SYNE1: variants seen among roughly 807,000 people sequenced by gnomAD.
SYNE1 encodes the protein nesprin-1.
A neutral mutation model predicts 1,111.0 loss-of-function variants in SYNE1; 616 were observed. The ratio of observed to expected loss-of-function variants is 0.55; its 90% CI spans 0.52 to 0.59. The LOEUF (loss-of-function observed/expected upper bound fraction) is 0.59, where lower values mean the gene tolerates loss of function less well. Ranked by LOEUF, SYNE1 falls within the 20% of genes least tolerant of loss-of-function variation. The probability of loss-of-function intolerance (pLI) is 0.00; values close to 1 mark genes in which losing one functional copy is unlikely to be tolerated. For missense variants in SYNE1, 10,006 were observed against 10,417.0 expected (o/e 0.96, Z 1.72); for synonymous variants, 3,855 against 3,825.8 (o/e 1.01, Z -0.28).
At chr6:152,134,927 A>G (rs2056701431) in intron 142 of SYNE1, 177 bp downstream of exon 142, 1 of 709,272 alleles carries the variant, frequency 1.4e-6, no homozygotes, top group Non-Finnish European at 2.3e-6. Flanking sequence ...TCTTCTATGC[A>G]CATGTTTGCT....
At position 152,325,160 on chromosome 6, in the gene SYNE1, C is replaced by T. The variant is rs751121212; in HGVS notation, c.15581G>A (p.Arg5194His). ...SMTTVWQRWT[R>H]LRAVAQDQEK... ...CTGGTCCTGGGCCACAGCTCGAAGGCGTGTCCAGCGCTGCCAGACGGTGGT... is the reference window on the plus strand; with the variant it reads ...CTGGTCCTGGGCCACAGCTCGAAGGTGTGTCCAGCGCTGCCAGACGGTGGT... Residue 5194 changes from arginine to histidine, a missense_variant, in exon 81 of 146, where the codon CGC (arginine) becomes CAC (histidine). Arg to His is a conservative substitution (Grantham distance 29, BLOSUM62 0). Transcript: ENST00000367255. The T allele has an allele frequency of 3.7e-6, 6 of 1,614,194 alleles. No homozygotes were observed. Among genetic ancestry groups the T allele is most frequent in the Non-Finnish European group, 4.2e-6 (5 of 1,180,036 alleles).
intron 3 of SYNE1, among the ~76,000 whole-genome samples, chr6:152,588,145 T>G (rs17082857): frequency 0.022 from 3,320 of 152,276 alleles, 130 homozygotes; most frequent in African/African-American, 0.076. Flanking sequence ...TTCTTTAACT[T>G]CTCACCCCCA....
At chr6:152,227,970 A>T (rs528338053) in intron 115 of SYNE1, among the ~76,000 whole-genome samples, 1 of 152,318 alleles carries the variant, frequency 6.6e-6, no homozygotes, top group South Asian at 2.1e-4. Context: ...AACATTCTTA[A>T]CTTCGATTAA....
chr6:152,230,820 A>G, intron 114 of SYNE1, 118 bp from the exon 115 acceptor site: 1 of 1,181,474 alleles, frequency 8.5e-7, no homozygotes, highest in Non-Finnish European at 1.2e-6. Flanking sequence ...AATACAGTTC[A>G]TCGTATATAT....
chr6:152,369,592 T>G lies in SYNE1; in HGVS notation c.9530A>C (p.Asp3177Ala), dbSNP rs149005052. 1 of 1,614,178 alleles carries G rather than the reference T, an allele frequency of 6.2e-7. No individual in the cohort carries two copies. Residue 3177 changes from aspartate to alanine, a missense_variant, in exon 60 of 146, where the codon GAC (aspartate) becomes GCC (alanine). Asp to Ala is a moderately radical substitution (Grantham distance 126). This residue lies in a region of SYNE1 where 4,955 missense variants were observed against 5,017.2 expected (regional missense o/e 0.99). Transcript: ENST00000367255. ...GATAGGCTCAGCACTTACTTCAAAG[T>G]CCTTCATTTGGATCTTTAGATTCTG... Reference protein sequence around the residue: ...ALENLKIQMKDFEVSAEPIQD... With the variant: ...ALENLKIQMKAFEVSAEPIQD...
intron 76 of SYNE1, chr6:152,335,488 A>T (rs1013909633): frequency 4.6e-5 from 7 of 152,100 alleles, no homozygotes; most frequent in African/African-American, 1.7e-4. Context: ...TGGTTCACAA[A>T]TTTTTTTAAA....
At chr6:152,155,121 T>C (rs1299438414) in intron 132 of SYNE1, 79 bp from the exon 133 acceptor site, 6 of 1,575,980 alleles carry the variant, frequency 3.8e-6, no homozygotes, top group African/African-American at 1.3e-5. Flanking sequence ...TGCCTGCGAC[T>C]GGATTAAGGG....
chr6:152,252,653 G>A (rs1307530695), intron 104 of SYNE1, among the ~76,000 whole-genome samples: 1 of 152,110 alleles, frequency 6.6e-6, no homozygotes, highest in Non-Finnish European at 1.5e-5. Context: ...CAAGGTGTTT[G>A]GTGCAAAGTT....
intron 14 of SYNE1, chr6:152,481,517 G>A (rs532087482): frequency 1.0e-4 from 47 of 451,374 alleles, no homozygotes; most frequent in African/African-American, 8.2e-4. Context: ...ATATACTCAT[G>A]TAAGAAACAT....
At chr6:152,496,283 T>C (rs550180693) in intron 11 of SYNE1, among the ~76,000 whole-genome samples, 91 of 152,274 alleles carry the variant, frequency 6.0e-4, no homozygotes, top group African/African-American at 2.1e-3. Flanking sequence ...TATTTTTAAA[T>C]GAAGAGTGTT....
chr6:152,350,451 T>C, intron 71 of SYNE1, 116 bp from the exon 72 acceptor site: 4 of 1,512,586 alleles, frequency 2.6e-6, no homozygotes, highest in Non-Finnish European at 3.7e-6. Context: ...CTTAGAAAAC[T>C]ACCAGGAATG....
chr6:152,484,845 A>G lies in SYNE1; in HGVS notation c.1175T>C (p.Val392Ala). The G allele has an allele frequency of 6.2e-7, 1 of 1,613,932 alleles. No individual in the cohort carries two copies. The highest frequency in any genetic ancestry group is 8.5e-7 in the Non-Finnish European group (1 of 1,179,946). The change falls in exon 13 of 146, where the codon GTG (valine) becomes GCG (alanine). Residue 392 changes from valine (V) to alanine (A), a missense_variant. Coordinates refer to ENST00000367255, the MANE Select transcript of SYNE1 (RefSeq NM_182961.4). Reference sequence around the variant, plus strand: ...TGTGGGAGAACTTACCCTGGAGGTCACTCTATCCCAAGATTGTTTTACCAA... The same window carrying G: ...TGTGGGAGAACTTACCCTGGAGGTCGCTCTATCCCAAGATTGTTTTACCAA... The part of the protein sequence containing the change: ...QALVKQSWDR[V>A]TSRLFDWHIQ...
rs747132208 is a variant in SYNE1, at chr6:152,132,196, A to G, written c.26020T>C (p.Ser8674Pro). The G allele has an allele frequency of 1.2e-6, 2 of 1,614,126 alleles. No homozygotes were observed. Among genetic ancestry groups the G allele is most frequent in the East Asian group, 4.5e-5 (2 of 44,872 alleles). Residue 8674 changes from serine (S) to proline (P), a missense_variant, in exon 144 of 146, where the codon TCT becomes CCT. Ser to Pro is a moderately conservative substitution (Grantham distance 74, BLOSUM62 -1). Around this residue, in one of 7 missense-constraint regions of SYNE1, gnomAD observed 761 missense variants for 795.5 expected, o/e 0.96. Transcript: ENST00000367255. ...SSQQDLSSWSSADELDTSGSV... is the reference protein window; with the variant it reads ...SSQQDLSSWSPADELDTSGSV... ...CCTGAGGTGTCCAGTTCATCAGCAG[A>G]AGACCAGGAAGACAAATCCTATGTG...
At chr6:152,614,758 A>C (rs112568776) in intron 3 of SYNE1, among the ~76,000 whole-genome samples, 48 of 152,354 alleles carry the variant, frequency 3.2e-4, no homozygotes, top group Admixed American at 7.8e-4. Flanking sequence ...GATAGACCGA[A>C]TTAAGAAAAT....
intron 51 of SYNE1, among the ~76,000 whole-genome samples, chr6:152,393,983 C>CA (rs1453056224): frequency 6.6e-6 from 1 of 152,162 alleles, no homozygotes; most frequent in Non-Finnish European, 1.5e-5. Context: ...CCTAAGCCCC[C>CA]ATCCCCTGAC....
intron 3 of SYNE1, among the ~76,000 whole-genome samples, chr6:152,551,001 T>C (rs2099344244): frequency 1.3e-5 from 2 of 152,220 alleles, no homozygotes; most frequent in African/African-American, 2.4e-5. Flanking sequence ...GCACAGCTTA[T>C]TGTGGCACTT....
chr6:152,453,685 A>G lies in SYNE1; in HGVS notation c.2928T>C (p.Asn976=). 1 of 1,614,176 alleles carries G rather than the reference A, an allele frequency of 6.2e-7. No individual in the cohort carries two copies. Among genetic ancestry groups the G allele is most frequent in the Non-Finnish European group, 8.5e-7 (1 of 1,180,026 alleles). The change falls in exon 25 of 146, where the codon AAT becomes AAC. Residue 976 remains asparagine (N), a synonymous_variant. Transcript: ENST00000367255. ...FFSQLDQRVL[N]AFLKACDELT... is the part of the protein sequence containing the mutation. ...GTTCATCACAAGCTTTCAGGAAAGC[A>G]TTGAGCACCCTCTGATCCAGCTGAC... is the stretch of plus-strand genomic sequence containing the variant.
intron 127 of SYNE1, among the ~76,000 whole-genome samples, chr6:152,195,086 G>A (rs754639604): frequency 3.3e-5 from 5 of 151,832 alleles, no homozygotes; most frequent in African/African-American, 9.7e-5. Flanking sequence ...ATGCCTGGCT[G>A]ATTTTTGTAT....
Position 152,308,274 on chromosome 6 carries a change from G to A in SYNE1, c.17346+215C>T, listed in dbSNP as rs141562123. Among the ~76,000 whole-genome samples, 208 of 152,308 alleles carry A rather than the reference G, an allele frequency of 1.4e-3. 1 individual carries two copies. The highest frequency in any genetic ancestry group is 4.7e-3 in the African/African-American group (197 of 41,576). Reference sequence around the variant, plus strand: ...TCCCAAAGGATATAATACGAACAACGTGTAGAGAGGTTATGGAATCAAGGG... The same window carrying A: ...TCCCAAAGGATATAATACGAACAACATGTAGAGAGGTTATGGAATCAAGGG... On this transcript the variant is annotated intron_variant, in intron 91 of 145. Transcript: ENST00000367255.
Sources: allele counts gnomAD v4.1 joint callset (sites outside exome capture counted in the v4.1 genomes callset), GRCh38; gene constraint gnomAD v4.1.1; regional missense constraint gnomAD v4.1.1; transcripts MANE v1.5; gene names NCBI Gene and HGNC (gene_info 2026-07-23, HGNC 2026-07-21).